Variants in CHMP7 observed in about 807,000 individuals in gnomAD.
CHMP7 encodes the protein CHMP family, member 7.
Under a neutral mutation model 53.7 loss-of-function variants are expected in CHMP7, and 15 were observed. That is an observed-to-expected ratio of 0.28 (90% CI 0.19 to 0.43). The LOEUF is 0.43. Ranked by LOEUF, CHMP7 falls within the 20% of genes least tolerant of loss-of-function variation. The pLI, the probability that CHMP7 is intolerant of heterozygous loss-of-function variation, is 1.00. For missense variants in CHMP7, 527 were observed against 569.4 expected (o/e 0.93, Z 0.76); for synonymous variants, 261 against 228.0 (o/e 1.14, Z -1.30).
At position 23,260,887 on chromosome 8, in the gene CHMP7, T is replaced by C. The variant is rs80282273; in HGVS notation, c.*288T>C. The C allele has an allele frequency of 1.1e-3, 469 of 446,432 alleles. 6 individuals are homozygous for C. The East Asian group carries it at 0.016, about 16-fold the overall frequency. The allele number at this position is 446,432 out of a possible 1,614,324, so 27.7% of individuals were successfully genotyped here. A position where few individuals can be genotyped will look rare whatever the true frequency, so the allele number is the denominator to read the frequency against. ...ATTTCATAGCCTGCAGTTCTTGCCA[T>C]TGGCACACTTAGATTTGTCTTCACC... On this transcript the variant is annotated 3_prime_UTR_variant, in exon 11 of 11. Coordinates refer to ENST00000397677, the MANE Select transcript of CHMP7 (RefSeq NM_152272.5).
chr8:23,245,413 G>A (rs956110580), intron 1 of CHMP7, among the ~76,000 whole-genome samples: 6 of 152,166 alleles, frequency 3.9e-5, no homozygotes, highest in African/African-American at 1.4e-4. Flanking sequence ...TAGTCTGTTG[G>A]TGGATTATAT....
intron 3 of CHMP7, chr8:23,255,019 C>T (rs192599343): frequency 1.9e-4 from 112 of 579,684 alleles, no homozygotes; most frequent in Admixed American, 7.9e-4. Context: ...GCAGAGCTGG[C>T]TCCCAGCATC....
rs1265372874 is a variant in CHMP7 at position 23,258,758 on chromosome 8, A to G, written c.987A>G (p.Val329=). Residue 329 remains valine, a synonymous_variant, in exon 8 of 11, where the codon GTA becomes GTG. Coordinates refer to ENST00000397677, the MANE Select transcript of CHMP7 (RefSeq NM_152272.5). The stretch of plus-strand genomic sequence containing the variant: ...TTTTTAACGCCTACCAGGCTGGGGT[A>G]GGAGCACTCAAACTCTCCATGAAGG... ...QMVFNAYQAG[V]GALKLSMKDV... is the part of the protein sequence containing the mutation. 1 of 1,613,400 alleles carries G rather than the reference A, an allele frequency of 6.2e-7. No individual in the cohort carries two copies. Among genetic ancestry groups the G allele is most frequent in the Admixed American group, 1.7e-5 (1 of 59,984 alleles).
At chr8:23,252,560 G>A (rs1251466134) in intron 3 of CHMP7, 1 of 152,108 alleles carries the variant, frequency 6.6e-6, no homozygotes, top group African/African-American at 2.4e-5. Flanking sequence ...TTAGTATTAA[G>A]GATGTAAATA....
At chr8:23,259,251 C>G (rs1055353465) in intron 9 of CHMP7, 125 bp downstream of exon 9, 1 of 515,166 alleles carries the variant, frequency 1.9e-6, no homozygotes, top group Non-Finnish European at 3.4e-6. Context: ...TCACTGCAAG[C>G]TCCGCCTCCC....
chr8:23,255,573 A>T, intron 4 of CHMP7, 141 bp downstream of exon 4: 1 of 708,420 alleles, frequency 1.4e-6, no homozygotes, highest in South Asian at 1.7e-5. Context: ...TAAGTGGAAA[A>T]TTCCAAACAT....
chr8:23,260,080 C>G (rs1056672013), intron 9 of CHMP7, 64 bp from the exon 10 acceptor site: 1 of 1,399,204 alleles, frequency 7.1e-7, no homozygotes, highest in Non-Finnish European at 1.0e-6. Context: ...TAACCTCAGT[C>G]CTGTACTCAT....
intron 6 of CHMP7, 118 bp downstream of exon 6, chr8:23,258,199 C>T (rs1250312101): frequency 2.1e-6 from 3 of 1,450,118 alleles, no homozygotes; most frequent in Non-Finnish European, 2.9e-6. Context: ...GCAGGGGGCC[C>T]AGGCACCACA....
chr8:23,247,624 AC>A (rs779319344), intron 2 of CHMP7, among the ~76,000 whole-genome samples: 1 of 152,176 alleles, frequency 6.6e-6, no homozygotes, highest in African/African-American at 2.4e-5. Context: ...TAATACATGT[AC>A]AGTACTTCCC....
intron 3 of CHMP7, among the ~76,000 whole-genome samples, chr8:23,250,198 C>T (rs540327879): frequency 8.5e-5 from 13 of 152,296 alleles, no homozygotes; most frequent in Admixed American, 2.0e-4. Context: ...TTGCTCTCTG[C>T]GGGCACTTCA....
In CHMP7 at chr8:23,246,485, T is replaced by C. The variant is rs1801685858; in HGVS notation, c.-211T>C. On this transcript the variant is annotated 5_prime_UTR_variant, in exon 2 of 11. Transcript: ENST00000397677. Reference sequence around the variant, plus strand: ...TCGGCGCAAGCGCTCGGTGTCTCTCTGAAAAGAACTTCATCATACTGCCTC... The same window carrying C: ...TCGGCGCAAGCGCTCGGTGTCTCTCCGAAAAGAACTTCATCATACTGCCTC... The C allele has an allele frequency of 1.9e-6, 1 of 538,858 alleles. No individual in the cohort carries two copies. The highest frequency in any genetic ancestry group is 2.9e-5 in the East Asian group (1 of 33,908). 33.4% of individuals were successfully genotyped at this position (538,858 alleles called of 1,614,324 possible).
chr8:23,258,995 A>G, intron 8 of CHMP7, 71 bp from the exon 9 acceptor site: 1 of 1,145,108 alleles, frequency 8.7e-7, no homozygotes, highest in Non-Finnish European at 1.3e-6. Context: ...AACCCTAGAT[A>G]TTTTCCACCA....
intron 3 of CHMP7, 33 bp downstream of exon 3, chr8:23,249,414 C>G: frequency 6.5e-7 from 1 of 1,540,064 alleles, no homozygotes; most frequent in Non-Finnish European, 8.7e-7. Flanking sequence ...CTGGGTGTCA[C>G]CTGGTGTGAT....
At chr8:23,247,537 G>A (rs1801753255) in intron 2 of CHMP7, among the ~76,000 whole-genome samples, 1 of 152,196 alleles carries the variant, frequency 6.6e-6, no homozygotes, top group Non-Finnish European at 1.5e-5. Context: ...GAGTATCTGA[G>A]TGCCCTTAAA....
At chr8:23,248,677 C>T (rs748495238) in intron 2 of CHMP7, among the ~76,000 whole-genome samples, 25 of 152,190 alleles carry the variant, frequency 1.6e-4, no homozygotes, top group Non-Finnish European at 2.8e-4. Flanking sequence ...CCGCGGCAAG[C>T]ATTTAATAAA....
rs1164758800 is a variant in CHMP7, at chr8:23,246,589, T to A, written c.-107T>A. The A allele has an allele frequency of 4.4e-6, 4 of 905,242 alleles. No individual in the cohort carries two copies. Among genetic ancestry groups the A allele is most frequent in the East Asian group, 5.3e-5 (2 of 37,784 alleles). 56.1% of individuals were successfully genotyped at this position (905,242 alleles called of 1,614,324 possible). On this transcript the variant is annotated 5_prime_UTR_variant, in exon 2 of 11. Transcript: ENST00000397677. Reference sequence around the variant, plus strand: ...TTTCACGCTCAGGGCGGCGGTGACGTGTGAACGAGAAGGAGGTGGTCAAGG... The same window carrying A: ...TTTCACGCTCAGGGCGGCGGTGACGAGTGAACGAGAAGGAGGTGGTCAAGG...
intron 6 of CHMP7, 48 bp from the exon 7 acceptor site, chr8:23,258,282 C>T (rs2128860114): frequency 1.2e-6 from 2 of 1,612,624 alleles, no homozygotes; most frequent in Non-Finnish European, 1.7e-6. Context: ...TTCCTCTTGC[C>T]CTTTGGCTCG....
intron 2 of CHMP7, chr8:23,247,943 C>G: frequency 2.7e-6 from 1 of 365,434 alleles, no homozygotes; most frequent in South Asian, 1.9e-5. Flanking sequence ...TAGTTTGCTG[C>G]TCTTTCTGAT....
chr8:23,254,033 T>C (rs978497586), intron 3 of CHMP7, among the ~76,000 whole-genome samples: 1 of 152,186 alleles, frequency 6.6e-6, no homozygotes, highest in African/African-American at 2.4e-5. Context: ...TTCTATAATA[T>C]AGGAGTGCTT....
Sources: allele counts gnomAD v4.1 joint callset (sites outside exome capture counted in the v4.1 genomes callset), GRCh38; gene constraint gnomAD v4.1.1; transcripts MANE v1.5; gene names NCBI Gene and HGNC (gene_info 2026-07-23, HGNC 2026-07-21).